Variants in ARSJ observed in about 807,000 individuals in gnomAD.
ARSJ encodes arylsulfatase J.
In ARSJ, 26 loss-of-function variants were observed where a neutral mutation model predicts 35.9. The observed-to-expected ratio is 0.72, with a 90% confidence interval of 0.53 to 1.00. ARSJ has a LOEUF of 1.00. ARSJ is among the 50% of genes least tolerant of loss of function. The pLI, the probability that ARSJ is intolerant of heterozygous loss-of-function variation, is 0.00. For missense variants in ARSJ, 667 were observed against 723.6 expected (o/e 0.92, Z 0.90); for synonymous variants, 294 against 267.6 (o/e 1.10, Z -0.96).
At position 113,972,296 on chromosome 4, in the gene ARSJ, AAAAAAAAAAAC is replaced by A. The variant is rs1469224532; in HGVS notation, c.398+6130_398+6140del. On this transcript the variant is annotated intron_variant, in intron 1 of 1. Coordinates refer to ENST00000315366, the MANE Select transcript of ARSJ (RefSeq NM_024590.4). The stretch of plus-strand genomic sequence containing the variant: ...TTACTTTCTAAGAGATGATCTGGAA[AAAAAAAAAAAC>A]AAAAAAAAAAACCCCACCATGATTT... 1.5e-3 allele frequency among the ~76,000 whole-genome samples: 216 copies of A among 140,092 alleles called. 3 individuals carry two copies. The highest frequency in any genetic ancestry group is 5.3e-3 in the African/African-American group (209 of 39,688). 91.9% of individuals were successfully genotyped at this position (140,092 alleles called of 152,430 possible).
intron 1 of ARSJ, among the ~76,000 whole-genome samples, chr4:113,954,194 C>T (rs1726031339): frequency 6.6e-6 from 1 of 151,980 alleles, no homozygotes; most frequent in South Asian, 2.1e-4. Flanking sequence ...TGTGTTTAAA[C>T]CTATTAAGAA....
intron 1 of ARSJ, among the ~76,000 whole-genome samples, chr4:113,972,829 GC>G (rs1444621271): frequency 6.6e-6 from 1 of 152,144 alleles, no homozygotes; most frequent in Admixed American, 6.5e-5. Context: ...TCAAGTTGGG[GC>G]CGGGCTTTTA....
chr4:113,964,961 T>C (rs893231895), intron 1 of ARSJ, among the ~76,000 whole-genome samples: 3 of 152,110 alleles, frequency 2.0e-5, no homozygotes, highest in African/African-American at 7.2e-5. Flanking sequence ...AAAAAAATTA[T>C]AAAAACTTTT....
At position 113,900,392 on chromosome 4, in the gene ARSJ, T is replaced by C. The variant is rs2099666705; in HGVS notation, c.*1882A>G. On this transcript the variant is annotated 3_prime_UTR_variant, in exon 2 of 2. Coordinates refer to ENST00000315366, the MANE Select transcript of ARSJ (RefSeq NM_024590.4). The stretch of plus-strand genomic sequence containing the variant: ...CACTATAAAATAAAATGGAGCCATA[T>C]ATTCTAGAAATAAAATGTTAAAATT... 1 of 152,214 alleles carries C rather than the reference T, an allele frequency of 6.6e-6. No homozygotes were observed. Among genetic ancestry groups the C allele is most frequent in the South Asian group, 2.1e-4 (1 of 4,828 alleles). 9.4% of individuals were successfully genotyped at this position (152,214 alleles called of 1,614,324 possible). A position where few individuals can be genotyped will look rare whatever the true frequency, so the allele number is the denominator to read the frequency against.
At chr4:113,957,013 C>G (rs112944604) in intron 1 of ARSJ, among the ~76,000 whole-genome samples, 2 of 152,028 alleles carry the variant, frequency 1.3e-5, no homozygotes, top group South Asian at 4.1e-4. Flanking sequence ...GCTGTTGCAG[C>G]TGTAGCAGCA....
intron 1 of ARSJ, among the ~76,000 whole-genome samples, chr4:113,910,459 T>C (rs2149251568): frequency 1.3e-5 from 2 of 152,230 alleles, no homozygotes; most frequent in Middle Eastern, 6.8e-3. Flanking sequence ...GGAGTAGAAA[T>C]TCATATTTTG....
chr4:113,918,891 T>G (rs1723487030), intron 1 of ARSJ, among the ~76,000 whole-genome samples: 1 of 152,008 alleles, frequency 6.6e-6, no homozygotes, highest in Admixed American at 6.6e-5. Flanking sequence ...CTCCCAGGCT[T>G]AAGTGATCCT....
chr4:113,931,804 A>G (rs867700522), intron 1 of ARSJ, among the ~76,000 whole-genome samples: 18 of 152,128 alleles, frequency 1.2e-4, no homozygotes, highest in African/African-American at 3.9e-4. Flanking sequence ...GATCCAGGAG[A>G]CATTAAAATG....
intron 1 of ARSJ, among the ~76,000 whole-genome samples, chr4:113,944,662 T>C (rs1725363084): frequency 6.6e-6 from 1 of 152,004 alleles, no homozygotes; most frequent in Non-Finnish European, 1.5e-5. Flanking sequence ...AGTCTTATGA[T>C]TGACTAGACT....
At chr4:113,945,990 TTTC>T (rs1725454467) in intron 1 of ARSJ, among the ~76,000 whole-genome samples, 1 of 136,188 alleles carries the variant, frequency 7.3e-6, no homozygotes, top group African/African-American at 2.7e-5. Flanking sequence ...ATAAAATACT[TTTC>T]TTCTTCTCTT....
At chr4:113,952,074 T>C (rs1029208870) in intron 1 of ARSJ, among the ~76,000 whole-genome samples, 1 of 152,084 alleles carries the variant, frequency 6.6e-6, no homozygotes, top group Non-Finnish European at 1.5e-5. Context: ...TTTCATTTTT[T>C]AAGAGACAGG....
In ARSJ at chr4:113,902,522, T is replaced by G. The variant is rs1270203287; in HGVS notation, c.1552A>C (p.Lys518Gln). ...AACTGTGAGAGCCTCCGTAGGAGCTTCTTCACGATTCCTGGATACCTGTTA... is the reference window on the plus strand; with the variant it reads ...AACTGTGAGAGCCTCCGTAGGAGCTGCTTCACGATTCCTGGATACCTGTTA... ...LSNRYPGIVK[K>Q]LLRRLSQFNK... The change falls in exon 2 of 2, where the codon AAG becomes CAG. Residue 518 changes from lysine to glutamine, a missense_variant. Physicochemically the swap from Lys to Gln is moderately conservative, Grantham distance 53. Coordinates refer to ENST00000315366, the MANE Select transcript of ARSJ (RefSeq NM_024590.4). The G allele has an allele frequency of 2.5e-6, 4 of 1,614,150 alleles. No homozygotes were observed. Among genetic ancestry groups the G allele is most frequent in the Non-Finnish European group, 2.5e-6 (3 of 1,180,022 alleles).
chr4:113,919,115 C>A (rs1441003284), intron 1 of ARSJ, among the ~76,000 whole-genome samples: 1 of 151,868 alleles, frequency 6.6e-6, no homozygotes, highest in African/African-American at 2.4e-5. Flanking sequence ...ATAAAAATAC[C>A]ATTTTTTCCT....
At position 113,979,313 on chromosome 4, in the gene ARSJ, T is replaced by G. The variant is rs1727791531; in HGVS notation, c.-479A>C. On this transcript the variant is annotated 5_prime_UTR_variant, in exon 1 of 2. Transcript: ENST00000315366. ...TGCGGTCCCCACACCTGGAAAGAACTGCGAAGTGGACGCGTCGCGTCTGGC... is the reference window on the plus strand; with the variant it reads ...TGCGGTCCCCACACCTGGAAAGAACGGCGAAGTGGACGCGTCGCGTCTGGC... The G allele has an allele frequency of 6.4e-6, 1 of 157,086 alleles. No individual in the cohort carries two copies. Among genetic ancestry groups the G allele is most frequent in the African/African-American group, 2.4e-5 (1 of 41,510 alleles). 9.7% of individuals were successfully genotyped at this position (157,086 alleles called of 1,614,324 possible). A position where few individuals can be genotyped will look rare whatever the true frequency, so the allele number is the denominator to read the frequency against.
chr4:113,941,950 G>A (rs1449129910), intron 1 of ARSJ, among the ~76,000 whole-genome samples: 1 of 151,900 alleles, frequency 6.6e-6, no homozygotes, highest in Non-Finnish European at 1.5e-5. Context: ...GAGGTTCAGG[G>A]GTAGAGGGTG....
At chr4:113,973,720 T>C (rs1727422263) in intron 1 of ARSJ, among the ~76,000 whole-genome samples, 1 of 152,192 alleles carries the variant, frequency 6.6e-6, no homozygotes, top group Non-Finnish European at 1.5e-5. Flanking sequence ...ACCTGTAGGA[T>C]AATTCAGAAG....
chr4:113,902,195 C>G lies in ARSJ; in HGVS notation c.*79G>C. The G allele has an allele frequency of 6.3e-7, 1 of 1,599,398 alleles. No individual in the cohort carries two copies. Among genetic ancestry groups the G allele is most frequent in the Non-Finnish European group, 8.5e-7 (1 of 1,179,930 alleles). On this transcript the variant is annotated 3_prime_UTR_variant, in exon 2 of 2. Coordinates refer to ENST00000315366, the MANE Select transcript of ARSJ (RefSeq NM_024590.4). ...CGCTTAGGCCAGCGATATTATCGAG[C>G]CAAATTTGCTGGTTTACCTAGGAAA...
At position 113,979,074 on chromosome 4, in the gene ARSJ, T is replaced by TC. The variant is rs1158677042; in HGVS notation, c.-241dup. ...AGCACATTTCACTTTCTCCTCCTCC[T>TC]CCCCCCTCCCTAGAGCAGCTTCCAC... On this transcript the variant is annotated 5_prime_UTR_variant, in exon 1 of 2. Transcript: ENST00000315366. The TC allele has an allele frequency of 2.6e-5, 10 of 389,226 alleles. No homozygotes were observed. The East Asian group carries it at 3.7e-4, about 14-fold the overall frequency. 24.1% of individuals were successfully genotyped at this position (389,226 alleles called of 1,614,324 possible).
At chr4:113,933,782 GA>G (rs879684389) in intron 1 of ARSJ, among the ~76,000 whole-genome samples, 2 of 151,698 alleles carry the variant, frequency 1.3e-5, no homozygotes, top group Non-Finnish European at 2.9e-5. Flanking sequence ...ACTGAACAGG[GA>G]AAAATTAAAA....
Sources: gnomAD v4.1 joint callset for allele counts (sites outside exome capture counted in the v4.1 genomes callset) on GRCh38, gnomAD v4.1.1 for gene constraint, MANE v1.5 for transcripts, NCBI Gene and HGNC (gene_info 2026-07-23, HGNC 2026-07-21) for gene names.